HTD2: variants seen among roughly 807,000 people sequenced by gnomAD.
HTD2 encodes the protein hydroxyacyl-thioester dehydratase type 2, mitochondrial.
A neutral mutation model predicts 3.1 loss-of-function variants in HTD2; 1 was observed. The ratio of observed to expected loss-of-function variants is 0.32; its 90% CI spans 0.11 to 1.52. HTD2 has a LOEUF of 1.52. Among genes scored for constraint, HTD2 ranks in the 40% most tolerant of loss-of-function variants. The pLI is 0.39. For synonymous variants in HTD2, 50 were observed against 28.9 expected, an observed-to-expected ratio of 1.73 and a Z score of -2.34; for missense variants, 150 against 79.6, an observed-to-expected ratio of 1.88 and a Z score of -3.36.
chr3:58,312,284 CAG>C (rs1458311961), intron 2 of HTD2, among the ~76,000 whole-genome samples: 2 of 149,170 alleles, frequency 1.3e-5, no homozygotes, highest in Non-Finnish European at 1.5e-5. Flanking sequence ...TTTTTTGAGA[CAG>C]AGTCTCGCTC....
At chr3:58,317,309 CCT>C in intron 4 of HTD2, 129 bp from the exon 5 acceptor site, 1 of 642,990 alleles carries the variant, frequency 1.6e-6, no homozygotes, top group Non-Finnish European at 2.8e-6. Flanking sequence ...TCGAAGGCTT[CCT>C]CTCAGGATGC....
At chr3:58,311,623 AC>A (rs1407704038) in intron 2 of HTD2, among the ~76,000 whole-genome samples, 3 of 147,148 alleles carry the variant, frequency 2.0e-5, no homozygotes, top group African/African-American at 7.5e-5. Context: ...AATATATACC[AC>A]TTTTTTTTTT....
Position 58,310,500 on chromosome 3 carries a change from T to C in HTD2, c.-415-7T>C. ...AATATGACTTTTTTTTTTTTCACTT[T>C]TTTTAGAGAATTTCAAGATTGTGGA... On this transcript the variant is annotated splice_polypyrimidine_tract_variant and splice_region_variant and intron_variant, in intron 1 of 4. Transcript: ENST00000461393. 1 of 1,607,776 alleles carries C rather than the reference T, an allele frequency of 6.2e-7. No homozygotes were observed.
At chr3:58,310,207 AAAAC>A (rs144199276) in intron 1 of HTD2, 43,834 of 846,416 alleles carry the variant, frequency 0.052, 1,461 homozygotes, top group Middle Eastern at 0.075. Flanking sequence ...ACCCTGCCTT[AAAAC>A]AAACAAACAA....
At chr3:58,312,545 C>T (rs982267997) in intron 2 of HTD2, among the ~76,000 whole-genome samples, 1 of 152,082 alleles carries the variant, frequency 6.6e-6, no homozygotes, top group African/African-American at 2.4e-5. Context: ...ACAAGGAACA[C>T]GTTAGACAAA....
chr3:58,312,060 T>C (rs1179208641), intron 2 of HTD2, among the ~76,000 whole-genome samples: 1 of 151,876 alleles, frequency 6.6e-6, no homozygotes, highest in African/African-American at 2.4e-5. Context: ...AGGCAAGGTC[T>C]CACTATGTTG....
At chr3:58,312,419 C>T (rs74819740) in intron 2 of HTD2, among the ~76,000 whole-genome samples, 6,668 of 150,354 alleles carry the variant, frequency 0.044, 517 homozygotes, top group African/African-American at 0.16. Context: ...GCCACCACGC[C>T]CAGCTAATTT....
chr3:58,317,347 T>C lies in HTD2; in HGVS notation c.-174-93T>C, dbSNP rs1034750663. Reference sequence around the variant, plus strand: ...TCTGTAAAATGCTCCTGCATCAGCTTTGTTTATCCTGTAAAACTGGGCATG... The same window carrying C: ...TCTGTAAAATGCTCCTGCATCAGCTCTGTTTATCCTGTAAAACTGGGCATG... On this transcript the variant is annotated intron_variant, in intron 4 of 4. Coordinates refer to ENST00000461393, the MANE Select transcript of HTD2 (RefSeq NM_001348712.2). 9.8e-6 allele frequency: 8 copies of C among 819,054 alleles called. No homozygotes were observed. In the Middle Eastern group the frequency reaches 6.9e-4, roughly 71 times the overall value. 50.7% of individuals were successfully genotyped at this position (819,054 alleles called of 1,614,324 possible).
intron 1 of HTD2, among the ~76,000 whole-genome samples, chr3:58,308,816 G>A (rs571211689): frequency 1.1e-4 from 17 of 152,236 alleles, no homozygotes; most frequent in African/African-American, 3.9e-4. Context: ...GCATAACATG[G>A]GGGCTTAACT....
At chr3:58,311,335 A>G (rs1384102060) in intron 2 of HTD2, among the ~76,000 whole-genome samples, 1 of 152,104 alleles carries the variant, frequency 6.6e-6, no homozygotes, top group Non-Finnish European at 1.5e-5. Flanking sequence ...TTGTATTTTT[A>G]CTAGAGACAG....
Position 58,320,167 on chromosome 3 carries a change from A to G in HTD2, c.*2047A>G, listed in dbSNP as rs1284719088. ...AGTACATCATTTTATTTTATGGCTG[A>G]ATAATATTCCATTGTATTTACCCAT... is the stretch of plus-strand genomic sequence containing the variant. On this transcript the variant is annotated 3_prime_UTR_variant, in exon 5 of 5. Coordinates refer to ENST00000461393, the MANE Select transcript of HTD2 (RefSeq NM_001348712.2). 6.6e-6 allele frequency: 1 copy of G among 152,076 alleles called. No individual in the cohort carries two copies. The highest frequency in any genetic ancestry group is 1.5e-5 in the Non-Finnish European group (1 of 68,034). 9.4% of individuals were successfully genotyped at this position (152,076 alleles called of 1,614,324 possible). A position where few individuals can be genotyped will look rare whatever the true frequency, so the allele number is the denominator to read the frequency against.
rs1245219525 is a variant in HTD2 at position 58,306,528 on chromosome 3, C to G, written c.-539C>G. ...TGCGCCTTGGGTAGCTTGTCCTCTC[C>G]GACCCCGGGCGCTGAGGGCCTCTGT... is the stretch of plus-strand genomic sequence containing the variant. On this transcript the variant is annotated 5_prime_UTR_variant, in exon 1 of 5. Transcript: ENST00000461393. 2.0e-5 allele frequency: 3 copies of G among 152,246 alleles called. No homozygotes were observed. The highest frequency in any genetic ancestry group is 6.5e-5 in the Admixed American group (1 of 15,292). 9.4% of individuals were successfully genotyped at this position (152,246 alleles called of 1,614,324 possible). A position where few individuals can be genotyped will look rare whatever the true frequency, so the allele number is the denominator to read the frequency against.
At chr3:58,314,775 C>G (rs924385250) in intron 2 of HTD2, among the ~76,000 whole-genome samples, 1 of 150,782 alleles carries the variant, frequency 6.6e-6, no homozygotes, top group African/African-American at 2.4e-5. Context: ...ACCTCCGCCT[C>G]CCAGGTTCAG....
chr3:58,307,001 G>A (rs932393043), intron 1 of HTD2, among the ~76,000 whole-genome samples: 1 of 152,212 alleles, frequency 6.6e-6, no homozygotes, highest in Non-Finnish European at 1.5e-5. Flanking sequence ...ATTGAGATTT[G>A]AGCTAAGCCA....
intron 2 of HTD2, among the ~76,000 whole-genome samples, chr3:58,310,822 C>T (rs949263959): frequency 1.3e-5 from 2 of 151,534 alleles, no homozygotes; most frequent in African/African-American, 4.9e-5. Flanking sequence ...CCCAGCTACT[C>T]GGGAGGCTGA....
At chr3:58,311,396 C>G (rs149644257) in intron 2 of HTD2, among the ~76,000 whole-genome samples, 1 of 152,310 alleles carries the variant, frequency 6.6e-6, no homozygotes, top group Non-Finnish European at 1.5e-5. Flanking sequence ...CTCAGGTGAT[C>G]CACGCGCCTT....
chr3:58,314,593 A>G (rs1043348760), intron 2 of HTD2, among the ~76,000 whole-genome samples: 9 of 152,170 alleles, frequency 5.9e-5, no homozygotes, highest in African/African-American at 2.2e-4. Context: ...AGTGCTAGCA[A>G]GAATGCAAAG....
At chr3:58,317,388 G>T in intron 4 of HTD2, 52 bp from the exon 5 acceptor site, 1 of 1,227,186 alleles carries the variant, frequency 8.1e-7, no homozygotes, top group South Asian at 1.3e-5. Flanking sequence ...CCATTGCCCT[G>T]TGCTTCAGTG....
At chr3:58,308,333 G>A (rs566719111) in intron 1 of HTD2, among the ~76,000 whole-genome samples, 28 of 152,276 alleles carry the variant, frequency 1.8e-4, no homozygotes, top group African/African-American at 6.5e-4. Context: ...ACCCAGGCTG[G>A]AGTGCAGTGG....
Sources: gnomAD v4.1 joint callset for allele counts (sites outside exome capture counted in the v4.1 genomes callset) on GRCh38, gnomAD v4.1.1 for gene constraint, MANE v1.5 for transcripts, NCBI Gene and HGNC (gene_info 2026-07-23, HGNC 2026-07-21) for gene names.